The following SLC9C2 variants were observed in gnomAD, a reference collection of about 807,000 sequenced individuals.
The protein encoded by SLC9C2 is sodium/hydrogen exchanger 11.
In SLC9C2, 75 loss-of-function variants were observed where a neutral mutation model predicts 140.2. The ratio of observed to expected loss-of-function variants is 0.53; its 90% CI spans 0.44 to 0.65. SLC9C2 has a LOEUF of 0.65. Ranked by LOEUF, SLC9C2 falls within the 30% of genes least tolerant of loss-of-function variation. The pLI is 0.00. For missense variants in SLC9C2, 1,074 were observed against 1,331.8 expected, an observed-to-expected ratio of 0.81 and a Z score of 3.01; for synonymous variants, 375 against 420.9, an observed-to-expected ratio of 0.89 and a Z score of 1.34.
At chr1:173,591,525 C>T (rs543158454) in intron 4 of SLC9C2, among the ~76,000 whole-genome samples, 4 of 152,128 alleles carry the variant, frequency 2.6e-5, no homozygotes, top group Non-Finnish European at 5.9e-5. Context: ...TCTCTGGAAC[C>T]TCGACAGTAT....
chr1:173,563,213 G>A (rs1168428971), intron 9 of SLC9C2, among the ~76,000 whole-genome samples: 1 of 151,806 alleles, frequency 6.6e-6, no homozygotes, highest in Non-Finnish European at 1.5e-5. Flanking sequence ...TGAGCCAGCT[G>A]ATGAGGGGGG....
intron 13 of SLC9C2, among the ~76,000 whole-genome samples, chr1:173,541,075 G>C (rs1013841621): frequency 6.6e-6 from 1 of 152,014 alleles, no homozygotes; most frequent in African/African-American, 2.4e-5. Flanking sequence ...TGGATAAAGA[G>C]TCAAGACCCA....
In SLC9C2 at chr1:173,600,223, T is replaced by G; in HGVS notation, c.128-6A>C. 6.2e-7 allele frequency: 1 copy of G among 1,603,632 alleles called. No homozygotes were observed. Among genetic ancestry groups the G allele is most frequent in the South Asian group, 1.1e-5 (1 of 90,168 alleles). On this transcript the variant is annotated splice_region_variant and splice_polypyrimidine_tract_variant and intron_variant, in intron 2 of 27. Transcript: ENST00000367714. ...TAAACACATCTTCAAAAGCCCTAAA[T>G]GTGAAAAACAGAATAGTTGCATGAG...
chr1:173,541,304 G>A (rs12049084), intron 13 of SLC9C2, among the ~76,000 whole-genome samples: 29,700 of 152,010 alleles, frequency 0.2, 4,181 homozygotes, highest in East Asian at 0.64. Context: ...AACAAGAAGA[G>A]CTAACTATCC....
At chr1:173,551,319 A>G (rs903711772) in intron 11 of SLC9C2, among the ~76,000 whole-genome samples, 9 of 152,318 alleles carry the variant, frequency 5.9e-5, no homozygotes, top group African/African-American at 1.9e-4. Context: ...CAAAAATTTC[A>G]GACATAGAAA....
chr1:173,527,527 C>T (rs1373662323), intron 18 of SLC9C2, among the ~76,000 whole-genome samples: 1 of 152,206 alleles, frequency 6.6e-6, no homozygotes, highest in Non-Finnish European at 1.5e-5. Flanking sequence ...GAAATCACTG[C>T]ACTCCAGGGC....
intron 23 of SLC9C2, among the ~76,000 whole-genome samples, chr1:173,515,634 T>C (rs955990352): frequency 1.3e-5 from 2 of 152,196 alleles, no homozygotes; most frequent in Non-Finnish European, 2.9e-5. Flanking sequence ...GAGTTTGTTA[T>C]TACCCACCTT....
chr1:173,516,803 T>A (rs1660454114), intron 23 of SLC9C2, among the ~76,000 whole-genome samples: 1 of 152,226 alleles, frequency 6.6e-6, no homozygotes, highest in African/African-American at 2.4e-5. Context: ...TATAATAGAA[T>A]GATTTACATT....
chr1:173,526,616 G>A (rs1222421182), intron 19 of SLC9C2, 47 bp downstream of exon 19: 2 of 1,410,658 alleles, frequency 1.4e-6, no homozygotes, highest in Non-Finnish European at 2.0e-6. Flanking sequence ...TTAAATTATA[G>A]GACAATAAGG....
chr1:173,533,658 G>A lies in SLC9C2; in HGVS notation c.2114C>T (p.Thr705Ile), dbSNP rs750813030. The A allele has an allele frequency of 2.5e-6, 4 of 1,609,106 alleles. No homozygotes were observed. The highest frequency in any genetic ancestry group is 1.7e-5 in the Admixed American group (1 of 59,414). The change falls in exon 17 of 28, where the codon ACA (threonine) becomes ATA (isoleucine). Residue 705 changes from threonine to isoleucine, a missense_variant. Coordinates refer to ENST00000367714, the MANE Select transcript of SLC9C2 (RefSeq NM_178527.4). ...TATTCTTAAATATCCCATTATTACT[G>A]TAAGCTGTATAAGAGCCAAGTTGTC... ...RPDNLALIQLTVIMGYLRIIR... is the reference protein window; with the variant it reads ...RPDNLALIQLIVIMGYLRIIR...
intron 21 of SLC9C2, 80 bp from the exon 22 acceptor site, chr1:173,521,479 A>C (rs1169458521): frequency 3.4e-5 from 2 of 59,570 alleles, no homozygotes; most frequent in Non-Finnish European, 5.2e-5. Context: ...AATATTTTCT[A>C]TATATATATA....
intron 18 of SLC9C2, among the ~76,000 whole-genome samples, chr1:173,527,436 G>T (rs1296016741): frequency 6.6e-6 from 1 of 152,168 alleles, no homozygotes; most frequent in African/African-American, 2.4e-5. Context: ...CCTATCAGGA[G>T]CACAAAAAGA....
At chr1:173,565,991 A>G (rs1664449093) in intron 9 of SLC9C2, among the ~76,000 whole-genome samples, 1 of 152,194 alleles carries the variant, frequency 6.6e-6, no homozygotes, top group African/African-American at 2.4e-5. Context: ...ATTGATTTGC[A>G]TATGTTGAAC....
At chr1:173,517,276 A>T (rs2101929364) in intron 23 of SLC9C2, among the ~76,000 whole-genome samples, 1 of 152,318 alleles carries the variant, frequency 6.6e-6, no homozygotes, top group African/African-American at 2.4e-5. Context: ...TCCTCATAAC[A>T]TCAAAAGGTT....
chr1:173,574,826 A>T lies in SLC9C2; in HGVS notation c.903-1501T>A, dbSNP rs942668077. ...CACCCGGCCTGAGTTAAATACTTTT[A>T]AAAAAATGTCATGTGGGCACAATGG... On this transcript the variant is annotated intron_variant, in intron 8 of 27. Coordinates refer to ENST00000367714, the MANE Select transcript of SLC9C2 (RefSeq NM_178527.4). 3.9e-5 allele frequency among the ~76,000 whole-genome samples: 6 copies of T among 151,900 alleles called. No individual in the cohort carries two copies. In the South Asian group the frequency reaches 6.2e-4, roughly 16 times the overall value.
chr1:173,500,729 C>A lies in SLC9C2; in HGVS notation c.*365G>T. The A allele has an allele frequency of 6.3e-6, 1 of 157,946 alleles. No homozygotes were observed. Among genetic ancestry groups the A allele is most frequent in the Non-Finnish European group, 1.4e-5 (1 of 71,948 alleles). The allele number at this position is 157,946 out of a possible 1,614,324, so 9.8% of individuals were successfully genotyped here. A position where few individuals can be genotyped will look rare whatever the true frequency, so the allele number is the denominator to read the frequency against. Reference sequence around the variant, plus strand: ...ATTTCACAAATGAAAATTACAGGTTCTATGCTTTAGAGAGTAACATATCAG... The same window carrying A: ...ATTTCACAAATGAAAATTACAGGTTATATGCTTTAGAGAGTAACATATCAG... On this transcript the variant is annotated 3_prime_UTR_variant, in exon 28 of 28. Transcript: ENST00000367714.
At chr1:173,586,705 A>G (rs1665868854) in intron 5 of SLC9C2, among the ~76,000 whole-genome samples, 1 of 152,238 alleles carries the variant, frequency 6.6e-6, no homozygotes, top group Non-Finnish European at 1.5e-5. Flanking sequence ...AGCCATAAAA[A>G]GGAATGAGAT....
rs192342885 is a variant in SLC9C2, at chr1:173,571,277, C to T, written c.1046+1905G>A. On this transcript the variant is annotated intron_variant, in intron 9 of 27. Transcript: ENST00000367714. Reference sequence around the variant, plus strand: ...TTCTTAACTCACAAAGGTATTCATACGTGGGTTCTTTCTCTTACTTTTTTT... The same window carrying T: ...TTCTTAACTCACAAAGGTATTCATATGTGGGTTCTTTCTCTTACTTTTTTT... 4.2e-3 allele frequency among the ~76,000 whole-genome samples: 645 copies of T among 152,258 alleles called. 8 individuals carry two copies. The highest frequency in any genetic ancestry group is 0.015 in the African/African-American group (612 of 41,552).
chr1:173,544,832 G>T (rs948969656), intron 13 of SLC9C2, among the ~76,000 whole-genome samples: 6 of 152,148 alleles, frequency 3.9e-5, no homozygotes, highest in African/African-American at 1.2e-4. Flanking sequence ...ACAGGGCGGG[G>T]AACATCACAC....
Sources: allele counts gnomAD v4.1 joint callset (sites outside exome capture counted in the v4.1 genomes callset), GRCh38; gene constraint gnomAD v4.1.1; transcripts MANE v1.5; gene names NCBI Gene and HGNC (gene_info 2026-07-23, HGNC 2026-07-21).